WAPL: variants seen among roughly 807,000 people sequenced by gnomAD.
WAPL encodes the protein wings apart-like protein homolog.
WAPL carries 5 observed loss-of-function variants against 121.0 expected under a neutral mutation model. That is an observed-to-expected ratio of 0.04 (90% confidence interval 0.02 to 0.09). The LOEUF is 0.09. Ranked by LOEUF, WAPL falls within the 10% of genes least tolerant of loss-of-function variation. The probability of loss-of-function intolerance (pLI) is 1.00; values close to 1 mark genes in which losing one functional copy is unlikely to be tolerated. For missense variants in WAPL, 999 were observed against 1,410.8 expected (o/e 0.71, Z 4.68); for synonymous variants, 480 against 481.5 (o/e 1.00, Z 0.04).
chr10:86,515,153 G>A (rs1423215842), intron 2 of WAPL, among the ~76,000 whole-genome samples: 3 of 151,894 alleles, frequency 2.0e-5, no homozygotes, highest in East Asian at 1.9e-4. Flanking sequence ...CCAGCTACTC[G>A]GGGGGACTGG....
Position 86,435,723 on chromosome 10 carries a change from C to T in WAPL, c.*1820G>A, listed in dbSNP as rs1473984735. ...AATTTTCAAATGATTACCAGTGTAA[C>T]AGAAAAATGCAGTTCGCCCTGATTG... On this transcript the variant is annotated 3_prime_UTR_variant, in exon 19 of 19. Transcript: ENST00000298767. 6.6e-6 allele frequency: 1 copy of T among 152,424 alleles called. No homozygotes were observed. Among genetic ancestry groups the T allele is most frequent in the Non-Finnish European group, 1.5e-5 (1 of 67,998 alleles). The allele number at this position is 152,424 out of a possible 1,614,324, so 9.4% of individuals were successfully genotyped here.
At chr10:86,454,513 G>A (rs969019533) in intron 12 of WAPL, among the ~76,000 whole-genome samples, 1 of 152,330 alleles carries the variant, frequency 6.6e-6, no homozygotes, top group East Asian at 1.9e-4. Context: ...TAGTGCCTGG[G>A]ACTGCAGGCG....
chr10:86,491,594 G>A (rs1842049791), intron 4 of WAPL, among the ~76,000 whole-genome samples: 1 of 152,074 alleles, frequency 6.6e-6, no homozygotes. Flanking sequence ...ACTTAAAACA[G>A]GGAATCTATA....
At chr10:86,451,120 TA>T (rs1212518658) in intron 15 of WAPL, among the ~76,000 whole-genome samples, 1 of 151,848 alleles carries the variant, frequency 6.6e-6, no homozygotes, top group Non-Finnish European at 1.5e-5. Flanking sequence ...TTTTTTTTTT[TA>T]ATAGAGATGG....
intron 15 of WAPL, among the ~76,000 whole-genome samples, chr10:86,451,106 CT>C (rs1001754126): frequency 2.2e-3 from 312 of 141,214 alleles, no homozygotes; most frequent in Non-Finnish European, 2.0e-3. Flanking sequence ...GGATTCTTGA[CT>C]TTTTTTTTTT....
intron 7 of WAPL, 129 bp from the exon 8 acceptor site, chr10:86,471,232 A>G: frequency 3.3e-6 from 2 of 601,998 alleles, no homozygotes; most frequent in Non-Finnish European, 5.8e-6. Context: ...ACATGATCAC[A>G]ATATAAAAAC....
At chr10:86,453,877 G>GTACACAGCAAAT in intron 12 of WAPL, 46 bp from the exon 13 acceptor site, 1 of 1,342,120 alleles carries the variant, frequency 7.5e-7, no homozygotes, top group Non-Finnish European at 9.7e-7. Flanking sequence ...ATAATAATAG[G>GTACACAGCAAAT]TACACAGCAA....
At chr10:86,459,754 T>C (rs934267950) in intron 11 of WAPL, among the ~76,000 whole-genome samples, 2 of 152,226 alleles carry the variant, frequency 1.3e-5, no homozygotes, top group Non-Finnish European at 2.9e-5. Flanking sequence ...TAAAACCTGA[T>C]TGCATTTCAC....
chr10:86,458,907 C>A lies in WAPL; in HGVS notation c.2657+82G>T, dbSNP rs907264295. On this transcript the variant is annotated intron_variant, in intron 12 of 18. Coordinates refer to ENST00000298767, the MANE Select transcript of WAPL (RefSeq NM_015045.5). ...GAGCATTTCATGGAGGAAGCTAATC[C>A]AAATTTCTTTCATTTATGGTCAATC... 5 of 1,169,316 alleles carry A rather than the reference C, an allele frequency of 4.3e-6. No homozygotes were observed. In the African/African-American group the frequency reaches 6.2e-5, roughly 15 times the overall value. The allele number at this position is 1,169,316 out of a possible 1,614,324, so 72.4% of individuals were successfully genotyped here.
chr10:86,509,506 CT>C (rs1343200219), intron 2 of WAPL, among the ~76,000 whole-genome samples: 1 of 152,170 alleles, frequency 6.6e-6, no homozygotes, highest in Admixed American at 6.5e-5. Context: ...CCGCACCACT[CT>C]ATATATTTTT....
chr10:86,501,196 T>C (rs1273899737), intron 2 of WAPL, among the ~76,000 whole-genome samples: 1 of 152,242 alleles, frequency 6.6e-6, no homozygotes, highest in African/African-American at 2.4e-5. Flanking sequence ...TAAGGTATGC[T>C]AGTTCTATCC....
At chr10:86,502,128 G>C (rs1340853614) in intron 2 of WAPL, among the ~76,000 whole-genome samples, 1 of 152,152 alleles carries the variant, frequency 6.6e-6, no homozygotes, top group Non-Finnish European at 1.5e-5. Flanking sequence ...AACTTTCCAC[G>C]AACACAAAAT....
intron 10 of WAPL, 133 bp from the exon 11 acceptor site, chr10:86,460,629 C>G (rs1589504350): frequency 1.5e-6 from 1 of 645,366 alleles, no homozygotes; most frequent in East Asian, 2.9e-5. Context: ...ATTTTTTATT[C>G]TAGGTTTCAT....
intron 2 of WAPL, among the ~76,000 whole-genome samples, chr10:86,503,756 A>T (rs968743512): frequency 1.3e-5 from 2 of 152,062 alleles, no homozygotes; most frequent in African/African-American, 2.4e-5. Flanking sequence ...CCATCTCAAA[A>T]AAAAAAAAGA....
intron 3 of WAPL, 56 bp from the exon 4 acceptor site, chr10:86,497,375 C>A: frequency 7.9e-7 from 1 of 1,266,808 alleles, no homozygotes; most frequent in Non-Finnish European, 1.1e-6. Flanking sequence ...ACCTACCAGA[C>A]AACCTATCAA....
chr10:86,518,880 T>C (rs1842612594), intron 1 of WAPL, among the ~76,000 whole-genome samples: 1 of 152,200 alleles, frequency 6.6e-6, no homozygotes, highest in Non-Finnish European at 1.5e-5. Flanking sequence ...CTTGGTGTAA[T>C]GTAATTTGCG....
chr10:86,445,669 C>G (rs1387687314), intron 16 of WAPL, among the ~76,000 whole-genome samples: 2 of 152,042 alleles, frequency 1.3e-5, no homozygotes, highest in Non-Finnish European at 2.9e-5. Context: ...GGACTACAGG[C>G]TTGTGCCACC....
intron 17 of WAPL, among the ~76,000 whole-genome samples, chr10:86,440,793 T>C (rs559743053): frequency 1.3e-5 from 2 of 151,552 alleles, no homozygotes; most frequent in South Asian, 2.1e-4. Flanking sequence ...CAGAGTGGGC[T>C]GTTGTATTTA....
intron 15 of WAPL, among the ~76,000 whole-genome samples, chr10:86,446,725 A>C (rs1849629975): frequency 6.6e-6 from 1 of 152,236 alleles, no homozygotes; most frequent in Admixed American, 6.5e-5. Context: ...AAGAAATTCA[A>C]GCAAAAAAAT....
Sources: gnomAD v4.1 joint callset for allele counts (sites outside exome capture counted in the v4.1 genomes callset) on GRCh38, gnomAD v4.1.1 for gene constraint, MANE v1.5 for transcripts, NCBI Gene and HGNC (gene_info 2026-07-23, HGNC 2026-07-21) for gene names.